NAALADL2: variants seen among roughly 807,000 people sequenced by gnomAD.
The protein encoded by NAALADL2 is N-acetylated alpha-linked acidic dipeptidase like 2, also known as inactive N-acetylated-alpha-linked acidic dipeptidase-like protein 2.
Under a neutral mutation model 87.2 loss-of-function variants are expected in NAALADL2, and 76 were observed. That is an observed-to-expected ratio of 0.87 (90% CI 0.72 to 1.05). The LOEUF (loss-of-function observed/expected upper bound fraction) is 1.05, where lower values mean the gene tolerates loss of function less well. Among genes scored for constraint, NAALADL2 ranks in the 50% least tolerant of loss-of-function variants. The pLI is 0.00. For missense variants in NAALADL2, 1,089 were observed against 945.8 expected (o/e 1.15, Z -1.99); for synonymous variants, 354 against 331.0 (o/e 1.07, Z -0.75).
At chr3:175,337,023 A>G (rs1762051298) in intron 5 of NAALADL2, among the ~76,000 whole-genome samples, 2 of 151,760 alleles carry the variant, frequency 1.3e-5, no homozygotes, top group Non-Finnish European at 3.0e-5. Flanking sequence ...ATCTCATTGA[A>G]ATTTTTCACC....
intron 5 of NAALADL2, among the ~76,000 whole-genome samples, chr3:175,372,434 A>G (rs1174592465): frequency 6.6e-6 from 1 of 152,232 alleles, no homozygotes; most frequent in African/African-American, 2.4e-5. Flanking sequence ...TTCTCACAAA[A>G]TGAGAAATCG....
At chr3:175,177,211 A>C (rs529140218) in intron 2 of NAALADL2, among the ~76,000 whole-genome samples, 215 of 152,092 alleles carry the variant, frequency 1.4e-3, no homozygotes, top group Non-Finnish European at 2.6e-3. Flanking sequence ...CTTCCCTGCT[A>C]TCTCCATTAT....
intron 1 of NAALADL2, among the ~76,000 whole-genome samples, chr3:174,991,347 C>CT (rs1481171573): frequency 2.0e-5 from 3 of 151,788 alleles, no homozygotes; most frequent in Non-Finnish European, 4.4e-5. Flanking sequence ...GAGGCATTTT[C>CT]TTTGTTTTCT....
At chr3:175,168,412 A>G (rs952119564) in intron 2 of NAALADL2, among the ~76,000 whole-genome samples, 1 of 151,838 alleles carries the variant, frequency 6.6e-6, no homozygotes, top group African/African-American at 2.4e-5. Flanking sequence ...GCATGTTAGC[A>G]TGAGAAATGT....
At chr3:175,796,065 G>A (rs1446584679) in intron 13 of NAALADL2, among the ~76,000 whole-genome samples, 1 of 148,884 alleles carries the variant, frequency 6.7e-6, no homozygotes, top group African/African-American at 2.5e-5. Context: ...TGGTTTGGCA[G>A]GGAGGGAGGG....
At chr3:174,803,433 C>T (rs150830740) in intron 3 of NAALADL2, among the ~76,000 whole-genome samples, 3 of 152,186 alleles carry the variant, frequency 2.0e-5, no homozygotes, top group African/African-American at 7.2e-5. Flanking sequence ...GTTGCCTGTT[C>T]ACTCTGATGA....
At chr3:175,253,545 T>C (rs1749418311) in intron 3 of NAALADL2, among the ~76,000 whole-genome samples, 1 of 152,208 alleles carries the variant, frequency 6.6e-6, no homozygotes, top group Non-Finnish European at 1.5e-5. Context: ...TCTACAGCCC[T>C]TAGATTATAG....
chr3:174,806,106 C>T (rs1354072755), intron 3 of NAALADL2, among the ~76,000 whole-genome samples: 2 of 152,112 alleles, frequency 1.3e-5, no homozygotes, highest in African/African-American at 2.4e-5. Flanking sequence ...TAATTAGGCC[C>T]TTTCTATATT....
At position 175,329,330 on chromosome 3, in the gene NAALADL2, C is replaced by T. The variant is rs1761122663; in HGVS notation, c.1090+5005C>T. On this transcript the variant is annotated intron_variant, in intron 5 of 13. Transcript: ENST00000454872. ...AAATGACACAGTTTATTTAATATTC[C>T]CAGTGTTACAATTCAGTGGATCTCT... Among the ~76,000 whole-genome samples the T allele has an allele frequency of 2.6e-5, 4 of 152,136 alleles. No homozygotes were observed. In the South Asian group the frequency reaches 8.3e-4, roughly 32 times the overall value.
intron 11 of NAALADL2, among the ~76,000 whole-genome samples, chr3:175,733,445 T>C (rs1744061036): frequency 1.3e-5 from 2 of 152,264 alleles, no homozygotes; most frequent in African/African-American, 2.4e-5. Flanking sequence ...AAGAATAGCA[T>C]GGGAAAGACC....
intron 1 of NAALADL2, among the ~76,000 whole-genome samples, chr3:174,525,584 G>C (rs896422337): frequency 6.6e-6 from 1 of 152,154 alleles, no homozygotes; most frequent in African/African-American, 2.4e-5. Context: ...CCAACATTGA[G>C]AGTCACATTT....
chr3:175,626,692 A>G (rs1045094739), intron 10 of NAALADL2, among the ~76,000 whole-genome samples: 4 of 151,980 alleles, frequency 2.6e-5, no homozygotes, highest in African/African-American at 9.6e-5. Context: ...TAACAGTTAC[A>G]TGCTTCTCCA....
At chr3:175,704,493 A>G (rs1739407256) in intron 11 of NAALADL2, among the ~76,000 whole-genome samples, 1 of 152,200 alleles carries the variant, frequency 6.6e-6, no homozygotes, top group African/African-American at 2.4e-5. Context: ...TGCCAGCACA[A>G]TAAAAATATG....
intron 4 of NAALADL2, among the ~76,000 whole-genome samples, chr3:175,270,080 G>T (rs1246051145): frequency 6.6e-6 from 1 of 152,136 alleles, no homozygotes; most frequent in Non-Finnish European, 1.5e-5. Context: ...AAGCAGCCAG[G>T]ATTCCCAACA....
chr3:175,070,168 TAAACTA>T (rs1401159576), intron 1 of NAALADL2, among the ~76,000 whole-genome samples: 1 of 150,682 alleles, frequency 6.6e-6, no homozygotes, highest in Non-Finnish European at 1.5e-5. Context: ...ATAATAATAA[TAAACTA>T]AAATAAAAAT....
At chr3:175,031,937 C>T (rs1411744085) in intron 1 of NAALADL2, among the ~76,000 whole-genome samples, 1 of 151,912 alleles carries the variant, frequency 6.6e-6, no homozygotes, top group Non-Finnish European at 1.5e-5. Context: ...CTATTCATAT[C>T]CTTTGCCCAG....
At chr3:175,260,592 T>C (rs557396091) in intron 4 of NAALADL2, among the ~76,000 whole-genome samples, 2 of 152,210 alleles carry the variant, frequency 1.3e-5, no homozygotes, top group African/African-American at 4.8e-5. Context: ...TTCAGCTGGG[T>C]TGAAAAAGGC....
intron 5 of NAALADL2, among the ~76,000 whole-genome samples, chr3:175,386,225 C>CTTT (rs34006374): frequency 1.3e-5 from 2 of 148,244 alleles, no homozygotes; most frequent in African/African-American, 4.9e-5. Flanking sequence ...GATAGATCAT[C>CTTT]TTTTTTTTTT....
chr3:175,262,858 T>C (rs1344510676), intron 4 of NAALADL2, among the ~76,000 whole-genome samples: 1 of 151,938 alleles, frequency 6.6e-6, no homozygotes, highest in Non-Finnish European at 1.5e-5. Context: ...CAAACTTGCC[T>C]CTTTTTTTAT....
Sources: gnomAD v4.1 joint callset for allele counts (sites outside exome capture counted in the v4.1 genomes callset) on GRCh38, gnomAD v4.1.1 for gene constraint, MANE v1.5 for transcripts, NCBI Gene and HGNC (gene_info 2026-07-23, HGNC 2026-07-21) for gene names.